The following CSMD1 variants were observed in gnomAD, a reference collection of about 807,000 sequenced individuals.
CSMD1 encodes the protein CUB and sushi domain-containing protein 1.
Under a neutral mutation model 417.5 loss-of-function variants are expected in CSMD1, and 213 were observed. That is an observed-to-expected ratio of 0.51 (90% CI 0.46 to 0.57). The LOEUF (loss-of-function observed/expected upper bound fraction) is 0.57. CSMD1 is among the 20% of genes least tolerant of loss of function. The pLI is 0.00. For missense variants in CSMD1, 6,923 were observed against 4,529.7 expected (o/e 1.53, Z -15.17); for synonymous variants, 2,862 against 1,736.8 (o/e 1.65, Z -16.11).
At chr8:4,772,470 C>G (rs969645795) in intron 1 of CSMD1, among the ~76,000 whole-genome samples, 4 of 152,058 alleles carry the variant, frequency 2.6e-5, no homozygotes, top group African/African-American at 7.2e-5. Flanking sequence ...GAGCGTCATC[C>G]GGTCATGGAG....
At chr8:3,676,026 A>T (rs184340981) in intron 7 of CSMD1, among the ~76,000 whole-genome samples, 1 of 152,312 alleles carries the variant, frequency 6.6e-6, no homozygotes, top group Non-Finnish European at 1.5e-5. Flanking sequence ...GTATCTTATC[A>T]TTTATGACAA....
At chr8:3,869,133 C>G (rs1267952229) in intron 5 of CSMD1, among the ~76,000 whole-genome samples, 1 of 152,170 alleles carries the variant, frequency 6.6e-6, no homozygotes, top group Non-Finnish European at 1.5e-5. Flanking sequence ...AGAGCTCCAG[C>G]TCCACCTGTC....
At chr8:3,783,394 C>G (rs1251753567) in intron 5 of CSMD1, among the ~76,000 whole-genome samples, 1 of 152,216 alleles carries the variant, frequency 6.6e-6, no homozygotes, top group East Asian at 1.9e-4. Flanking sequence ...CCTGGGGTGA[C>G]CCACGGCTGG....
intron 7 of CSMD1, among the ~76,000 whole-genome samples, chr8:3,632,884 C>A (rs1796853392): frequency 6.6e-6 from 1 of 152,220 alleles, no homozygotes; most frequent in Admixed American, 6.5e-5. Flanking sequence ...AGGAAGTTCT[C>A]TGAGAATGGC....
intron 1 of CSMD1, among the ~76,000 whole-genome samples, chr8:4,733,712 A>T (rs1810045635): frequency 6.6e-6 from 1 of 152,216 alleles, no homozygotes; most frequent in African/African-American, 2.4e-5. Context: ...TCTATGACTT[A>T]ACAAAGAAGT....
At chr8:4,861,039 T>G (rs1347723647) in intron 1 of CSMD1, among the ~76,000 whole-genome samples, 1 of 152,156 alleles carries the variant, frequency 6.6e-6, no homozygotes, top group Non-Finnish European at 1.5e-5. Flanking sequence ...TATCTATGTC[T>G]CCTTTTCCTC....
intron 2 of CSMD1, among the ~76,000 whole-genome samples, chr8:4,499,137 T>A (rs748670435): frequency 6.6e-6 from 1 of 151,998 alleles, no homozygotes; most frequent in African/African-American, 2.4e-5. Context: ...TAAACCAAGA[T>A]AAAGAAACAA....
At chr8:4,943,278 G>A (rs564832649) in intron 1 of CSMD1, among the ~76,000 whole-genome samples, 8 of 152,150 alleles carry the variant, frequency 5.3e-5, no homozygotes, top group Admixed American at 1.3e-4. Context: ...GGCAGATCAC[G>A]AGGTCAGGAG....
intron 3 of CSMD1, among the ~76,000 whole-genome samples, chr8:4,260,385 G>A (rs914659870): frequency 2.0e-5 from 3 of 151,964 alleles, no homozygotes; most frequent in Non-Finnish European, 2.9e-5. Context: ...TGTATACTTC[G>A]GGTTTTTGTT....
intron 49 of CSMD1, among the ~76,000 whole-genome samples, chr8:3,060,706 G>A (rs535800513): frequency 6.2e-4 from 94 of 152,268 alleles, no homozygotes; most frequent in South Asian, 1.0e-3. Flanking sequence ...ATCATGCTTT[G>A]AATGCATCTC....
intron 37 of CSMD1, among the ~76,000 whole-genome samples, chr8:3,180,467 A>G (rs1227580519): frequency 1.3e-5 from 2 of 152,200 alleles, no homozygotes; most frequent in East Asian, 3.9e-4. Context: ...GGGAATGCTA[A>G]TATGAGTATT....
chr8:4,425,387 A>C (rs1483980255), intron 2 of CSMD1, among the ~76,000 whole-genome samples: 1 of 150,856 alleles, frequency 6.6e-6, no homozygotes, highest in Non-Finnish European at 1.5e-5. Context: ...GCCAAAAAAA[A>C]AAAAAAAAAA....
intron 7 of CSMD1, among the ~76,000 whole-genome samples, chr8:3,619,607 A>C (rs4577978): frequency 0.55 from 83,440 of 151,742 alleles, 22,637 homozygotes; most frequent in Middle Eastern, 0.63. Context: ...ATTAATGAAC[A>C]CCTAGTAGGA....
At chr8:3,235,705 G>C (rs1169240768) in intron 26 of CSMD1, among the ~76,000 whole-genome samples, 2 of 152,124 alleles carry the variant, frequency 1.3e-5, no homozygotes, top group Non-Finnish European at 2.9e-5. Flanking sequence ...TGCACTAGTG[G>C]TTACATGTCC....
intron 2 of CSMD1, among the ~76,000 whole-genome samples, chr8:4,603,090 T>C (rs1270284031): frequency 3.3e-5 from 5 of 152,124 alleles, no homozygotes; most frequent in Admixed American, 1.3e-4. Context: ...AATAAGGGAA[T>C]AAAAATTATA....
chr8:4,283,733 A>C (rs1234301293), intron 3 of CSMD1, among the ~76,000 whole-genome samples: 1 of 152,120 alleles, frequency 6.6e-6, no homozygotes, highest in African/African-American at 2.4e-5. Context: ...CTCCTCAAGG[A>C]ATGCATGAGT....
chr8:3,269,152 C>T (rs1200193447), intron 26 of CSMD1, among the ~76,000 whole-genome samples: 9 of 152,234 alleles, frequency 5.9e-5, no homozygotes, highest in Non-Finnish European at 5.9e-5. Flanking sequence ...CAATTCAACA[C>T]GCATTCTTCG....
chr8:3,288,375 T>C (rs2117261650), intron 25 of CSMD1, among the ~76,000 whole-genome samples: 1 of 147,398 alleles, frequency 6.8e-6, no homozygotes, highest in South Asian at 2.1e-4. Flanking sequence ...GAAGGAATGG[T>C]ACCAGCTCCT....
At chr8:4,453,077 C>G (rs5000536) in intron 2 of CSMD1, among the ~76,000 whole-genome samples, 17,428 of 152,026 alleles carry the variant, frequency 0.11, 1,178 homozygotes, top group South Asian at 0.21. Flanking sequence ...TGGTGATAAG[C>G]TCTCCTGGGG....
Sources: gnomAD v4.1 joint callset for allele counts (sites outside exome capture counted in the v4.1 genomes callset) on GRCh38, gnomAD v4.1.1 for gene constraint, MANE v1.5 for transcripts, NCBI Gene and HGNC (gene_info 2026-07-23, HGNC 2026-07-21) for gene names.